The following NBEA variants were observed in gnomAD, a reference collection of about 807,000 sequenced individuals.
The protein encoded by NBEA is lysosomal-trafficking regulator 2.
In NBEA, 44 loss-of-function variants were observed where a neutral mutation model predicts 343.4. The ratio of observed to expected loss-of-function variants is 0.13; its 90% CI spans 0.10 to 0.16. The LOEUF (loss-of-function observed/expected upper bound fraction) is 0.16. Ranked by LOEUF, NBEA falls within the 10% of genes least tolerant of loss-of-function variation. The pLI, the probability that NBEA is intolerant of heterozygous loss-of-function variation, is 1.00. For synonymous variants in NBEA, 1,175 were observed against 1,238.7 expected, an observed-to-expected ratio of 0.95 and a Z score of 1.08; for missense variants, 2,555 against 3,631.3, an observed-to-expected ratio of 0.70 and a Z score of 7.62.
At chr13:35,109,641 CTT>C (rs1335606881) in intron 12 of NBEA, among the ~76,000 whole-genome samples, 199 bp downstream of exon 12, 14 of 152,006 alleles carry the variant, frequency 9.2e-5, no homozygotes, top group Non-Finnish European at 2.1e-4. Context: ...AAAAAAGAAT[CTT>C]TGTGTAACAC....
At chr13:35,464,260 A>G (rs1229280348) in intron 40 of NBEA, among the ~76,000 whole-genome samples, 1 of 152,206 alleles carries the variant, frequency 6.6e-6, no homozygotes, top group African/African-American at 2.4e-5. Context: ...ATTCAAGTAT[A>G]TGTATGATTT....
At chr13:35,558,503 C>T (rs967334836) in intron 44 of NBEA, among the ~76,000 whole-genome samples, 1 of 152,126 alleles carries the variant, frequency 6.6e-6, no homozygotes, top group Non-Finnish European at 1.5e-5. Flanking sequence ...GAGCATATGG[C>T]AGCAGGTATG....
chr13:34,963,135 C>A (rs1162247377), intron 1 of NBEA, among the ~76,000 whole-genome samples: 3 of 151,878 alleles, frequency 2.0e-5, no homozygotes, highest in Non-Finnish European at 1.5e-5. Flanking sequence ...TTGGGTTTGG[C>A]TGGTGTATTA....
intron 34 of NBEA, among the ~76,000 whole-genome samples, chr13:35,267,064 C>G (rs985726495): frequency 2.6e-5 from 4 of 151,812 alleles, no homozygotes; most frequent in African/African-American, 9.7e-5. Context: ...AAGTGGATCA[C>G]TATAAAGGTC....
At chr13:35,005,620 C>T (rs1593436943) in intron 1 of NBEA, among the ~76,000 whole-genome samples, 1 of 152,250 alleles carries the variant, frequency 6.6e-6, no homozygotes. Flanking sequence ...AGCATTTCTT[C>T]TCTAGTGGAG....
chr13:35,324,048 G>A (rs1006694033), intron 36 of NBEA, among the ~76,000 whole-genome samples: 8 of 152,108 alleles, frequency 5.3e-5, no homozygotes, highest in Non-Finnish European at 1.2e-4. Context: ...AGATCAACTT[G>A]GCAATAGAGG....
chr13:35,357,648 C>T (rs959235526), intron 38 of NBEA, among the ~76,000 whole-genome samples: 15 of 152,102 alleles, frequency 9.9e-5, no homozygotes, highest in African/African-American at 3.6e-4. Context: ...GTTATGGCTG[C>T]ATAGTATTCC....
chr13:35,352,054 T>G, intron 37 of NBEA, 103 bp from the exon 38 acceptor site: 1 of 634,650 alleles, frequency 1.6e-6, no homozygotes, highest in Non-Finnish European at 2.3e-6. Context: ...TATTTGAGTT[T>G]TAAAAAGTTG....
intron 38 of NBEA, among the ~76,000 whole-genome samples, chr13:35,369,009 G>A (rs1483576982): frequency 6.6e-6 from 1 of 151,696 alleles, no homozygotes; most frequent in East Asian, 1.9e-4. Flanking sequence ...GTGCTCCGAA[G>A]TGTTTGCCTG....
chr13:34,999,446 C>T (rs2061049889), intron 1 of NBEA, among the ~76,000 whole-genome samples: 1 of 152,026 alleles, frequency 6.6e-6, no homozygotes, highest in Non-Finnish European at 1.5e-5. Context: ...TCCTCTGTAC[C>T]TTATGATGAG....
At chr13:35,024,735 C>T (rs2061960334) in intron 1 of NBEA, among the ~76,000 whole-genome samples, 1 of 152,082 alleles carries the variant, frequency 6.6e-6, no homozygotes, top group Admixed American at 6.6e-5. Context: ...TGTTTTAAGT[C>T]CTTTGGGAAA....
At chr13:35,032,913 C>CA (rs1044220273) in intron 1 of NBEA, among the ~76,000 whole-genome samples, 17 of 151,996 alleles carry the variant, frequency 1.1e-4, no homozygotes, top group Admixed American at 3.9e-4. Flanking sequence ...AATCCGTTGT[C>CA]AGATGGGTAG....
At chr13:35,037,176 A>G (rs1161417525) in intron 1 of NBEA, among the ~76,000 whole-genome samples, 1 of 152,162 alleles carries the variant, frequency 6.6e-6, no homozygotes, top group Non-Finnish European at 1.5e-5. Context: ...GTCTGCTCTT[A>G]AAGGACTTGA....
intron 38 of NBEA, among the ~76,000 whole-genome samples, chr13:35,425,518 G>A (rs1287924488): frequency 6.6e-6 from 1 of 152,154 alleles, no homozygotes; most frequent in Non-Finnish European, 1.5e-5. Context: ...GAGACAGTTT[G>A]TTATAATTTC....
At chr13:35,469,083 G>C (rs1010819315) in intron 40 of NBEA, among the ~76,000 whole-genome samples, 2 of 116,712 alleles carry the variant, frequency 1.7e-5, no homozygotes, top group Admixed American at 2.2e-4. Context: ...CTGGGTGACA[G>C]AGCAAGACTC....
chr13:35,324,478 T>C (rs1443720027), intron 36 of NBEA, among the ~76,000 whole-genome samples: 1 of 152,212 alleles, frequency 6.6e-6, no homozygotes, highest in Non-Finnish European at 1.5e-5. Context: ...GAAAAACTTA[T>C]TGTTACTGTT....
In NBEA at chr13:35,110,825, T is replaced by C; in HGVS notation, c.1849T>C (p.Tyr617His). Reference protein sequence around the residue: ...HTPAKVQLSLYTYLSAEFIGT... With the variant: ...HTPAKVQLSLHTYLSAEFIGT... ...TCTGTATTAGGTTCAGCTTTCCCTA[T>C]ACACATATTTGTCTGCTGAATTTAT... Residue 617 changes from tyrosine to histidine, a missense_variant, in exon 13 of 59, where the codon TAC becomes CAC. By Grantham distance (83) the Tyr-to-His change is moderately conservative (BLOSUM62 2). Around this residue, in one of 21 missense-constraint regions of NBEA, gnomAD observed 360 missense variants for 519.1 expected, o/e 0.69. Coordinates refer to ENST00000379939, the MANE Select transcript of NBEA (RefSeq NM_001385012.1). The C allele has an allele frequency of 6.2e-7, 1 of 1,611,578 alleles. No homozygotes were observed. The highest frequency in any genetic ancestry group is 8.5e-7 in the Non-Finnish European group (1 of 1,178,080).
At chr13:35,022,732 A>G (rs2061890744) in intron 1 of NBEA, among the ~76,000 whole-genome samples, 1 of 152,116 alleles carries the variant, frequency 6.6e-6, no homozygotes. Flanking sequence ...TCTGATGCTA[A>G]CACTAGCTTT....
At chr13:35,603,105 ATTTCAGGG>A (rs1191732002) in intron 47 of NBEA, among the ~76,000 whole-genome samples, 1 of 152,152 alleles carries the variant, frequency 6.6e-6, no homozygotes, top group Non-Finnish European at 1.5e-5. Context: ...GGCAGATTTC[ATTTCAGGG>A]TTTATATCCT....
Sources: gnomAD v4.1 joint callset for allele counts (sites outside exome capture counted in the v4.1 genomes callset) on GRCh38, gnomAD v4.1.1 for gene constraint, gnomAD v4.1.1 regional missense constraint, MANE v1.5 for transcripts, NCBI Gene and HGNC (gene_info 2026-07-23, HGNC 2026-07-21) for gene names.